Variants in NKTR observed in about 807,000 individuals in gnomAD.
The protein encoded by NKTR is natural killer cell triggering receptor.
A neutral mutation model predicts 156.3 loss-of-function variants in NKTR; 67 were observed. That is an observed-to-expected ratio of 0.43 (90% CI 0.35 to 0.53). NKTR has a LOEUF of 0.53. NKTR is among the 20% of genes least tolerant of loss of function. The pLI is 0.01. For missense variants in NKTR, 1,604 were observed against 1,730.9 expected, an observed-to-expected ratio of 0.93 and a Z score of 1.30; for synonymous variants, 640 against 596.6, an observed-to-expected ratio of 1.07 and a Z score of -1.06.
At chr3:42,619,303 A>C in intron 4 of NKTR, 176 bp downstream of exon 4, 1 of 1,391,516 alleles carries the variant, frequency 7.2e-7, no homozygotes, top group South Asian at 1.7e-5. Flanking sequence ...GCAAAGTACC[A>C]CGTAAGACAT....
In NKTR at chr3:42,627,404, T is replaced by G. The variant is rs570079540; in HGVS notation, c.375-3142T>G. The stretch of plus-strand genomic sequence containing the variant: ...CATGGTTAATCCTGGGAACTATATT[T>G]TAACTTCAGTGGCTTGTTTCCACCA... On this transcript the variant is annotated intron_variant, in intron 6 of 16. Transcript: ENST00000232978. 6 of 985,368 alleles carry G rather than the reference T, an allele frequency of 6.1e-6. No individual in the cohort carries two copies. The African/African-American group carries it at 1.0e-4, about 17-fold the overall frequency. The allele number at this position is 985,368 out of a possible 1,614,324, so 61.0% of individuals were successfully genotyped here.
Position 42,608,557 on chromosome 3 carries a change from T to A in NKTR, c.58+7493T>A, listed in dbSNP as rs76181987. On this transcript the variant is annotated intron_variant, in intron 2 of 16. Transcript: ENST00000232978. ...GAAGCTCTCTCTAAACCCTGCCATTTAGGGGGTTTTGTGGCTAAAAATATA... is the reference window on the plus strand; with the variant it reads ...GAAGCTCTCTCTAAACCCTGCCATTAAGGGGGTTTTGTGGCTAAAAATATA... 3.9e-4 allele frequency among the ~76,000 whole-genome samples: 59 copies of A among 152,280 alleles called. No homozygotes were observed. In the East Asian group the frequency reaches 0.011, roughly 28 times the overall value.
chr3:42,613,378 ATCT>A (rs1167214648), intron 2 of NKTR, among the ~76,000 whole-genome samples: 2 of 152,098 alleles, frequency 1.3e-5, no homozygotes, highest in African/African-American at 2.4e-5. Flanking sequence ...CTGTTTCTTA[ATCT>A]TCTTCCTAGA....
chr3:42,639,761 T>A lies in NKTR; in HGVS notation c.4046+11T>A, dbSNP rs1276374891. ...CACATCATCTTATCGGTGAGCAATA[T>A]TCTCTTTCCTTTCTTCTCCCAAGGA... On this transcript the variant is annotated intron_variant, in intron 13 of 16. Transcript: ENST00000232978. 1.3e-6 allele frequency: 2 copies of A among 1,556,476 alleles called. No homozygotes were observed. The highest frequency in any genetic ancestry group is 1.8e-6 in the Non-Finnish European group (2 of 1,141,640).
intron 5 of NKTR, chr3:42,619,927 A>C: frequency 6.1e-6 from 9 of 1,470,266 alleles, no homozygotes; most frequent in Non-Finnish European, 8.1e-6. Context: ...ATGGTTAAAC[A>C]TGACTTTCAG....
Position 42,638,065 on chromosome 3 carries a change from A to G in NKTR, c.2361A>G (p.Lys787=), listed in dbSNP as rs1559587195. 6.2e-7 allele frequency: 1 copy of G among 1,614,188 alleles called. No individual in the cohort carries two copies. The highest frequency in any genetic ancestry group is 8.5e-7 in the Non-Finnish European group (1 of 1,180,038). The change falls in exon 13 of 17, where the codon AAA becomes AAG. Residue 787 remains lysine (K), a synonymous_variant. Transcript: ENST00000232978. ...SEKTLHSKYV[K]GRDRSSCVRK... ...AGACACTTCACAGTAAATATGTCAAAGGTAGAGACAGGTCTTCATGTGTGA... is the reference window on the plus strand; with the variant it reads ...AGACACTTCACAGTAAATATGTCAAGGGTAGAGACAGGTCTTCATGTGTGA...
intron 6 of NKTR, chr3:42,630,031 C>A: frequency 2.0e-6 from 2 of 985,510 alleles, no homozygotes; most frequent in Non-Finnish European, 2.4e-6. Flanking sequence ...AACAGAACTC[C>A]TGAGACCTAC....
At position 42,635,212 on chromosome 3, in the gene NKTR, T is replaced by A; in HGVS notation, c.1018-9T>A. On this transcript the variant is annotated splice_polypyrimidine_tract_variant and intron_variant, in intron 11 of 16. Transcript: ENST00000232978. ...ATTTTTTAAAATACTATTGTTTTTG[T>A]TTTTAAAGCGCTATCACACACCTCC... 6.2e-7 allele frequency: 1 copy of A among 1,606,656 alleles called. No individual in the cohort carries two copies. Among genetic ancestry groups the A allele is most frequent in the African/African-American group, 1.3e-5 (1 of 74,504 alleles).
chr3:42,618,196 C>G (rs1707568537), intron 3 of NKTR, among the ~76,000 whole-genome samples: 1 of 151,398 alleles, frequency 6.6e-6, no homozygotes, highest in Admixed American at 6.6e-5. Context: ...ACTAAAAATA[C>G]AAAAATTAGC....
chr3:42,628,670 G>C (rs1432016503), intron 6 of NKTR: 2 of 985,226 alleles, frequency 2.0e-6, no homozygotes, highest in Non-Finnish European at 2.4e-6. Context: ...TAAATATTTG[G>C]GGCTGATCCC....
chr3:42,636,696 A>AGT (rs1252594873), intron 12 of NKTR, among the ~76,000 whole-genome samples, 172 bp from the exon 13 acceptor site: 2 of 152,204 alleles, frequency 1.3e-5, no homozygotes, highest in African/African-American at 4.8e-5. Flanking sequence ...AGTAGTTCTT[A>AGT]GTGTGTGTCT....
chr3:42,620,056 A>G, intron 5 of NKTR: 1 of 1,534,470 alleles, frequency 6.5e-7, no homozygotes, highest in Non-Finnish European at 8.7e-7. Flanking sequence ...AAGAGAACGA[A>G]GCTCAGTAAC....
At chr3:42,602,538 G>T (rs566624160) in intron 2 of NKTR, 3 of 152,060 alleles carry the variant, frequency 2.0e-5, no homozygotes, top group African/African-American at 4.8e-5. Context: ...GAGGTAGGAA[G>T]ATATTAAAGG....
chr3:42,620,316 T>C (rs982291623), intron 5 of NKTR: 1 of 1,184,918 alleles, frequency 8.4e-7, no homozygotes, highest in African/African-American at 1.6e-5. Context: ...ATTTCGTTTT[T>C]CAAAGGTTTG....
chr3:42,629,018 TAAAA>T (rs1708654597), intron 6 of NKTR: 3 of 810,364 alleles, frequency 3.7e-6, no homozygotes, highest in South Asian at 1.1e-4. Flanking sequence ...AACAAACAAA[TAAAA>T]ATAAAAGCAC....
chr3:42,601,015 G>A lies in NKTR; in HGVS notation c.9G>A (p.Ala3=), dbSNP rs1415198700. The part of the protein sequence containing the change: MG[A]QDRPQCHFDI... ...CCGCCACCTCGGTCGCGATGGGGGC[G>A]CAGGACCGGCCGCAGTGCCACTTCG... Residue 3 remains alanine, a synonymous_variant, in exon 2 of 17, where the codon GCG becomes GCA. Transcript: ENST00000232978. 15 of 1,574,908 alleles carry A rather than the reference G, an allele frequency of 9.5e-6. No individual in the cohort carries two copies. The highest frequency in any genetic ancestry group is 7.3e-5 in the Admixed American group (4 of 54,988).
chr3:42,613,547 C>G (rs1330642660), intron 2 of NKTR, among the ~76,000 whole-genome samples: 3 of 152,276 alleles, frequency 2.0e-5, no homozygotes, highest in African/African-American at 7.2e-5. Context: ...TTTCCAACTA[C>G]CATATCATCT....
chr3:42,637,856 A>C lies in NKTR; in HGVS notation c.2152A>C (p.Arg718=), dbSNP rs1244762887. The C allele has an allele frequency of 1.9e-6, 3 of 1,613,990 alleles. No individual in the cohort carries two copies. The South Asian group carries it at 3.3e-5, about 18-fold the overall frequency. The part of the protein sequence containing the change: ...RSRSLASSHS[R]SRSPSSRSHS... ...ACGTAGTCTAGCTAGTTCACATTCA[A>C]GGTCTAGGTCTCCATCATCTAGATC... Residue 718 remains arginine, a synonymous_variant, in exon 13 of 17, where the codon AGG becomes CGG. Transcript: ENST00000232978.
chr3:42,616,754 G>A (rs1707408282), intron 2 of NKTR, among the ~76,000 whole-genome samples: 1 of 152,100 alleles, frequency 6.6e-6, no homozygotes, highest in Non-Finnish European at 1.5e-5. Flanking sequence ...AGGATGGGGA[G>A]TATTATTTTA....
Sources: allele counts gnomAD v4.1 joint callset (sites outside exome capture counted in the v4.1 genomes callset), GRCh38; gene constraint gnomAD v4.1.1; transcripts MANE v1.5; gene names NCBI Gene and HGNC (gene_info 2026-07-23, HGNC 2026-07-21).